OR52N4: variants seen among roughly 807,000 people sequenced by gnomAD.
OR52N4 encodes olfactory receptor 52N4.
Under a neutral mutation model 15.0 loss-of-function variants are expected in OR52N4, and 15 were observed. That is an observed-to-expected ratio of 1.00 (90% confidence interval 0.67 to 1.54). The LOEUF is 1.54. Ranked by LOEUF, OR52N4 falls within the 40% of genes most tolerant of loss-of-function variation. OR52N4 has a pLI of 0.00. For synonymous variants in OR52N4, 143 were observed against 143.7 expected (o/e 1.00, Z 0.03); for missense variants, 421 against 394.0 (o/e 1.07, Z -0.58).
the OR52N4 span, among the ~76,000 whole-genome samples, chr11:5,746,679 A>C: frequency 6.6e-6 from 1 of 152,146 alleles, no homozygotes; most frequent in African/African-American, 2.4e-5. Context: ...CATGGAGAAA[A>C]CTTATATACT....
At chr11:5,751,449 T>C (rs888652194), upstream of OR52N4, among the ~76,000 whole-genome samples, 11 of 152,014 alleles carry the variant, frequency 7.2e-5, no homozygotes, top group Admixed American at 1.3e-4. Context: ...AGTAAAACTT[T>C]CTCTTTTTTT....
At chr11:5,741,257 G>C in the OR52N4 span, among the ~76,000 whole-genome samples, 1 of 152,202 alleles carries the variant, frequency 6.6e-6, no homozygotes, top group Non-Finnish European at 1.5e-5. Flanking sequence ...GCTTAATCAA[G>C]AGGATAAGAT....
chr11:5,736,681 C>T, the OR52N4 span: 3 of 1,613,986 alleles, frequency 1.9e-6, no homozygotes, highest in Non-Finnish European at 2.5e-6. Context: ...CCCTCATCCT[C>T]ATCATCATCT....
the OR52N4 span, among the ~76,000 whole-genome samples, chr11:5,733,910 T>C: frequency 6.6e-6 from 1 of 152,210 alleles, no homozygotes. Flanking sequence ...CTTCTATTCA[T>C]GTAAATTCTT....
At chr11:5,752,539 T>C (rs1421807339), upstream of OR52N4, among the ~76,000 whole-genome samples, 7 of 152,220 alleles carry the variant, frequency 4.6e-5, no homozygotes, top group African/African-American at 1.7e-4. Context: ...CCAAAATGGC[T>C]GCCAGCCTGA....
upstream of OR52N4, among the ~76,000 whole-genome samples, chr11:5,751,452 C>T (rs1192011811): frequency 1.3e-5 from 2 of 151,448 alleles, no homozygotes. Flanking sequence ...AAAACTTTCT[C>T]TTTTTTTTCC....
chr11:5,732,727 A>G, the OR52N4 span, among the ~76,000 whole-genome samples: 5,857 of 152,246 alleles, frequency 0.038, 349 homozygotes, highest in African/African-American at 0.13. Context: ...ATATTCCAGT[A>G]ATTTCCAAAT....
At chr11:5,740,564 T>C in the OR52N4 span, among the ~76,000 whole-genome samples, 2 of 126,386 alleles carry the variant, frequency 1.6e-5, 1 homozygote, top group African/African-American at 5.7e-5. Flanking sequence ...AATCTTAGTA[T>C]TCTGGGAGGT....
At chr11:5,749,179 G>A in the OR52N4 span, among the ~76,000 whole-genome samples, 1 of 151,904 alleles carries the variant, frequency 6.6e-6, no homozygotes, top group Non-Finnish European at 1.5e-5. Flanking sequence ...GGAGTAGATT[G>A]CGTTTACAGA....
the OR52N4 span, among the ~76,000 whole-genome samples, chr11:5,740,097 G>A: frequency 7.9e-6 from 1 of 126,876 alleles, no homozygotes; most frequent in Non-Finnish European, 1.7e-5. Context: ...CCTATCTGAT[G>A]ACTAGTCCTA....
rs1018341754 is a variant in OR52N4 at position 5,755,372 on chromosome 11, T to C, written c.632T>C (p.Phe211Ser). ...ATGGTTGCCCTCCTGATTTGGGGCT[T>C]TGACATACTGTGTATCACCAACTCC... ...GLMVALLIWGFDILCITNSYT... is the reference protein window; with the variant it reads ...GLMVALLIWGSDILCITNSYT... Residue 211 changes from phenylalanine to serine, a missense_variant, in exon 2 of 2, where the codon TTT becomes TCT. Coordinates refer to ENST00000641350, the MANE Select transcript of OR52N4 (RefSeq NM_001005175.5). 12 of 1,613,976 alleles carry C rather than the reference T, an allele frequency of 7.4e-6. No individual in the cohort carries two copies. In the African/African-American group the frequency reaches 1.5e-4, roughly 20 times the overall value.
rs1029187640 is a variant in OR52N4, at chr11:5,755,768, G to T, written c.*62G>T. 166 of 1,545,874 alleles carry T rather than the reference G, an allele frequency of 1.1e-4. 1 individual carries two copies. The highest frequency in any genetic ancestry group is 6.2e-5 in the Non-Finnish European group (71 of 1,149,192). On this transcript the variant is annotated 3_prime_UTR_variant, in exon 2 of 2. Coordinates refer to ENST00000641350, the MANE Select transcript of OR52N4 (RefSeq NM_001005175.5). ...ATTACTTCTATTTGCCTCTTATGCA[G>T]GAGTTCATAAAATCTTTCTGGAAGC... is the stretch of plus-strand genomic sequence containing the variant.
chr11:5,752,929 A>T (rs1564957804), upstream of OR52N4, among the ~76,000 whole-genome samples: 1 of 152,178 alleles, frequency 6.6e-6, no homozygotes, highest in Admixed American at 6.6e-5. Flanking sequence ...TCTAAAAAAA[A>T]TTAACACATA....
At chr11:5,753,988 CAAAAAAAAAAAAAAAA>C (rs60504408), upstream of OR52N4, among the ~76,000 whole-genome samples, 4,499 of 80,212 alleles carry the variant, frequency 0.056, 112 homozygotes, top group South Asian at 0.14. Flanking sequence ...GACTCTGCCT[CAAAAAAAAAAAAAAAA>C]AAAAAAAAAA....
the OR52N4 span, among the ~76,000 whole-genome samples, chr11:5,746,106 A>C: frequency 6.6e-6 from 1 of 152,162 alleles, no homozygotes; most frequent in South Asian, 2.1e-4. Flanking sequence ...CTGTAGGTAG[A>C]AGAATGAGCC....
the OR52N4 span, among the ~76,000 whole-genome samples, chr11:5,729,483 A>G: frequency 6.6e-6 from 1 of 152,172 alleles, no homozygotes; most frequent in African/African-American, 2.4e-5. Context: ...CATCAACAAA[A>G]TTACTTTTGT....
At chr11:5,736,705 T>C in the OR52N4 span, 1 of 1,614,066 alleles carries the variant, frequency 6.2e-7, no homozygotes, top group Non-Finnish European at 8.5e-7. Context: ...AGAACCCTTC[T>C]TTACAGCAGC....
chr11:5,729,310 C>T, the OR52N4 span, among the ~76,000 whole-genome samples: 3 of 151,576 alleles, frequency 2.0e-5, no homozygotes, highest in African/African-American at 7.3e-5. Flanking sequence ...TTAGTAGAGA[C>T]GGGGTTTCAC....
At chr11:5,736,822 C>G in the OR52N4 span, 1 of 1,613,958 alleles carries the variant, frequency 6.2e-7, no homozygotes, top group East Asian at 2.2e-5. Flanking sequence ...AGGTTATTAG[C>G]CTCCCTGAGT....
Sources: allele counts gnomAD v4.1 joint callset (sites outside exome capture counted in the v4.1 genomes callset), GRCh38; gene constraint gnomAD v4.1.1; transcripts MANE v1.5; gene names NCBI Gene and HGNC (gene_info 2026-07-23, HGNC 2026-07-21).